Variants in YTHDF3 observed in about 807,000 individuals in gnomAD.
YTHDF3 encodes the protein YTH domain-containing family protein 3.
YTHDF3 carries 9 observed loss-of-function variants against 52.5 expected under a neutral mutation model. That is an observed-to-expected ratio of 0.17 (90% CI 0.10 to 0.30). The LOEUF (loss-of-function observed/expected upper bound fraction) is 0.30, where lower values mean the gene tolerates loss of function less well. Ranked by LOEUF, YTHDF3 falls within the 10% of genes least tolerant of loss-of-function variation. YTHDF3 has a pLI of 1.00. For synonymous variants in YTHDF3, 274 were observed against 243.3 expected (o/e 1.13, Z -1.18); for missense variants, 534 against 715.0 (o/e 0.75, Z 2.89).
chr8:63,204,325 A>G (rs1480708213), intron 4 of YTHDF3, among the ~76,000 whole-genome samples: 3 of 151,696 alleles, frequency 2.0e-5, no homozygotes, highest in Non-Finnish European at 2.9e-5. Context: ...TTTGAAAATC[A>G]AGATTCTTAG....
chr8:63,173,202 T>TTATTTATATATA (rs1554533376), intron 2 of YTHDF3, among the ~76,000 whole-genome samples: 4 of 125,916 alleles, frequency 3.2e-5, no homozygotes, highest in African/African-American at 1.6e-4. Context: ...AGGATTATAT[T>TTATTTATATATA]TATATATATA....
chr8:63,168,598 T>G, upstream of YTHDF3: 2 of 573,660 alleles, frequency 3.5e-6, no homozygotes, highest in Non-Finnish European at 6.1e-6. Context: ...GAGCGGAAGG[T>G]CAGGGAGGCT....
chr8:63,186,989 A>G lies in YTHDF3; in HGVS notation c.978A>G (p.Pro326=), dbSNP rs1808556687. The G allele has an allele frequency of 6.2e-7, 1 of 1,613,676 alleles. No homozygotes were observed. ...TGCCTCAACAGCAGCCTCAACCACCACAACCACAGCAGCAACAAGGACCTC... is the reference window on the plus strand; with the variant it reads ...TGCCTCAACAGCAGCCTCAACCACCGCAACCACAGCAGCAACAAGGACCTC... ...SQLPQQQPQP[P]QPQQQQGPQP... is the part of the protein sequence containing the mutation. The change falls in exon 4 of 5, where the codon CCA becomes CCG. Residue 326 remains proline (P), a synonymous_variant. Coordinates refer to ENST00000539294, the MANE Select transcript of YTHDF3 (RefSeq NM_152758.6).
chr8:63,209,847 T>C lies in YTHDF3; in HGVS notation c.*141T>C. ...CACTTTAACACAAAGTTGACTCTTC[T>C]CGTAATGGTTTTCATCAGCGCATCT... On this transcript the variant is annotated 3_prime_UTR_variant, in exon 5 of 5. Transcript: ENST00000539294. The C allele has an allele frequency of 1.2e-6, 1 of 817,406 alleles. No homozygotes were observed. The highest frequency in any genetic ancestry group is 1.9e-6 in the Non-Finnish European group (1 of 537,416). 50.6% of individuals were successfully genotyped at this position (817,406 alleles called of 1,614,324 possible).
intron 3 of YTHDF3, among the ~76,000 whole-genome samples, chr8:63,185,404 TAAAA>T (rs893684154): frequency 6.6e-6 from 1 of 151,632 alleles, no homozygotes; most frequent in African/African-American, 2.4e-5. Context: ...ATTACTAAAT[TAAAA>T]AAAACCCAAA....
chr8:63,200,715 A>G (rs751405362), intron 4 of YTHDF3, among the ~76,000 whole-genome samples: 18 of 152,126 alleles, frequency 1.2e-4, no homozygotes, highest in Non-Finnish European at 2.1e-4. Context: ...TTATTTGTAA[A>G]CTGAAAAATT....
At chr8:63,181,447 A>C (rs138025893) in intron 3 of YTHDF3, among the ~76,000 whole-genome samples, 14 of 152,190 alleles carry the variant, frequency 9.2e-5, no homozygotes, top group Non-Finnish European at 1.5e-4. Context: ...TCTTCTGCCA[A>C]CTTTCTCCAT....
chr8:63,179,358 C>A (rs1807918012), intron 3 of YTHDF3, among the ~76,000 whole-genome samples: 2 of 152,098 alleles, frequency 1.3e-5, no homozygotes, highest in Non-Finnish European at 2.9e-5. Flanking sequence ...AGGCAGAGGA[C>A]CCTGCGGCCT....
In YTHDF3 at chr8:63,193,374, C is replaced by CAA. The variant is rs758787473; in HGVS notation, c.1734+5650_1734+5651dup. ...CTGGGTGACAGAGCTAGACTCCGTC[C>CAA]AAAAAAAAAAAAAAAAAAAAAAGCA... On this transcript the variant is annotated intron_variant, in intron 4 of 4. Transcript: ENST00000539294. Among the ~76,000 whole-genome samples, 166 of 53,844 alleles carry CAA rather than the reference C, an allele frequency of 3.1e-3. 1 individual carries two copies. Among genetic ancestry groups the CAA allele is most frequent in the East Asian group, 8.4e-3 (12 of 1,436 alleles). 35.3% of individuals were successfully genotyped at this position (53,844 alleles called of 152,430 possible). A position where few individuals can be genotyped will look rare whatever the true frequency, so the allele number is the denominator to read the frequency against.
chr8:63,199,208 C>A (rs923796168), intron 4 of YTHDF3, among the ~76,000 whole-genome samples: 2 of 152,070 alleles, frequency 1.3e-5, no homozygotes, highest in African/African-American at 4.8e-5. Context: ...AATCATAGAT[C>A]TTTGGGAGAT....
chr8:63,187,064 G>C lies in YTHDF3; in HGVS notation c.1053G>C (p.Gln351His). ...TGCAGCCTCAACAGCAGCAGCTGCA[G>C]AATCGCTGGGTAGCTCCTCGTAACA... ...HQVQPQQQQL[Q>H]NRWVAPRNRG... The change falls in exon 4 of 5, where the codon CAG becomes CAC. Residue 351 changes from glutamine (Q) to histidine (H), a missense_variant. By Grantham distance (24) the Gln-to-His change is conservative (BLOSUM62 0). Transcript: ENST00000539294. The C allele has an allele frequency of 6.2e-7, 1 of 1,613,692 alleles. No homozygotes were observed. The highest frequency in any genetic ancestry group is 2.2e-5 in the East Asian group (1 of 44,884).
In YTHDF3 at chr8:63,194,876, G is replaced by A. The variant is rs140148030; in HGVS notation, c.1734+7131G>A. 2.6e-5 allele frequency among the ~76,000 whole-genome samples: 4 copies of A among 152,178 alleles called. No individual in the cohort carries two copies. In the East Asian group the frequency reaches 7.7e-4, roughly 29 times the overall value. ...AGATTTTAACTAAAATTTACATTGA[G>A]GTCTATAGTTACCGTATCTTTCTTT... On this transcript the variant is annotated intron_variant, in intron 4 of 4. Transcript: ENST00000539294.
chr8:63,171,542 T>C (rs973241635), intron 2 of YTHDF3, among the ~76,000 whole-genome samples: 1 of 152,180 alleles, frequency 6.6e-6, no homozygotes, highest in Non-Finnish European at 1.5e-5. Context: ...ATAACAAATA[T>C]ACGTTACTTG....
intron 4 of YTHDF3, among the ~76,000 whole-genome samples, chr8:63,206,488 C>T (rs1476422590): frequency 6.6e-6 from 1 of 152,158 alleles, no homozygotes; most frequent in African/African-American, 2.4e-5. Flanking sequence ...TTCTTTCTAA[C>T]CCCTTATCTA....
chr8:63,179,966 G>A (rs1432414868), intron 3 of YTHDF3, among the ~76,000 whole-genome samples: 2 of 148,732 alleles, frequency 1.3e-5, no homozygotes, highest in South Asian at 2.1e-4. Context: ...GGCTGGCCGG[G>A]CGGGGGGCTG....
upstream of YTHDF3, chr8:63,168,615 G>T: frequency 1.6e-6 from 1 of 609,158 alleles, no homozygotes; most frequent in Non-Finnish European, 2.8e-6. Flanking sequence ...GGCTCGGAGC[G>T]GAAGTGAGAC....
chr8:63,203,270 T>C (rs1201916327), intron 4 of YTHDF3, among the ~76,000 whole-genome samples: 1 of 150,716 alleles, frequency 6.6e-6, no homozygotes, highest in African/African-American at 2.4e-5. Context: ...CAGTCTGATA[T>C]ATTCCCTGGC....
rs1809199950 is a variant in YTHDF3 at position 63,195,796 on chromosome 8, G to GTGTGTGTGTGCGTGCA, written c.1734+8061_1734+8076dup. ...GGCAACATAGACCCTGTATTTACGT[G>GTGTGTGTGTGCGTGCA]TGTGTGTGTGCGTGCATGTGTGTGT... On this transcript the variant is annotated intron_variant, in intron 4 of 4. Coordinates refer to ENST00000539294, the MANE Select transcript of YTHDF3 (RefSeq NM_152758.6). 4.0e-5 allele frequency among the ~76,000 whole-genome samples: 6 copies of GTGTGTGTGTGCGTGCA among 151,446 alleles called. No homozygotes were observed. In the South Asian group the frequency reaches 1.3e-3, roughly 32 times the overall value.
chr8:63,175,427 T>C lies in YTHDF3; in HGVS notation c.135+11T>C. The stretch of plus-strand genomic sequence containing the variant: ...AGCCAGACAAATCAGGTAAGTCTTC[T>C]GACAGTTTCAGATTTTAGGAAATTA... On this transcript the variant is annotated intron_variant, in intron 3 of 4. Transcript: ENST00000539294. 1 of 1,600,826 alleles carries C rather than the reference T, an allele frequency of 6.2e-7. No homozygotes were observed. The highest frequency in any genetic ancestry group is 2.2e-5 in the East Asian group (1 of 44,600).
Sources: gnomAD v4.1 joint callset for allele counts (sites outside exome capture counted in the v4.1 genomes callset) on GRCh38, gnomAD v4.1.1 for gene constraint, MANE v1.5 for transcripts, NCBI Gene and HGNC (gene_info 2026-07-23, HGNC 2026-07-21) for gene names.